Variants in APP observed in about 807,000 individuals in gnomAD.
APP encodes amyloid-beta precursor protein.
Under a neutral mutation model 101.4 loss-of-function variants are expected in APP, and 31 were observed. The ratio of observed to expected loss-of-function variants is 0.31; its 90% CI spans 0.23 to 0.41. The LOEUF is 0.41. APP is among the 10% of genes least tolerant of loss of function. The pLI is 1.00. For synonymous variants in APP, 366 were observed against 364.4 expected (o/e 1.00, Z -0.05); for missense variants, 839 against 1,003.7 (o/e 0.84, Z 2.22).
At chr21:26,129,101 A>T (rs1010623462) in intron 1 of APP, among the ~76,000 whole-genome samples, 1 of 152,220 alleles carries the variant, frequency 6.6e-6, no homozygotes, top group Admixed American at 6.5e-5. Context: ...AAAATATTTC[A>T]GAAGCAAATC....
At chr21:26,061,647 G>A (rs148590759) in intron 3 of APP, among the ~76,000 whole-genome samples, 6 of 152,188 alleles carry the variant, frequency 3.9e-5, no homozygotes, top group African/African-American at 1.2e-4. Flanking sequence ...GAGGACATGA[G>A]GGTGAATTAC....
chr21:26,094,144 A>G (rs976353242), intron 2 of APP, among the ~76,000 whole-genome samples: 5 of 152,108 alleles, frequency 3.3e-5, no homozygotes, highest in Middle Eastern at 3.4e-3. Context: ...TTTGAACCAC[A>G]TAAAGCCCAT....
intron 17 of APP, among the ~76,000 whole-genome samples, chr21:25,884,944 T>C (rs1018107160): frequency 6.6e-6 from 1 of 152,250 alleles, no homozygotes; most frequent in African/African-American, 2.4e-5. Flanking sequence ...CTGCTAGAGA[T>C]GCGAGGCTCC....
chr21:25,945,382 T>A (rs1466328993), intron 13 of APP: 2 of 124,096 alleles, frequency 1.6e-5, no homozygotes, highest in African/African-American at 9.1e-5. Flanking sequence ...AATCCGCACT[T>A]TTTTTTTTTT....
intron 6 of APP, among the ~76,000 whole-genome samples, chr21:26,020,011 A>C (rs1172936395): frequency 6.6e-6 from 1 of 152,238 alleles, no homozygotes; most frequent in Non-Finnish European, 1.5e-5. Flanking sequence ...GGAATGATAA[A>C]CTTAATCCAT....
intron 14 of APP, among the ~76,000 whole-genome samples, chr21:25,906,581 C>T (rs2038801753): frequency 6.6e-6 from 1 of 152,250 alleles, no homozygotes; most frequent in Non-Finnish European, 1.5e-5. Context: ...TAGTATTTCA[C>T]TAGTGCATTA....
chr21:26,089,905 C>A (rs775909369), intron 3 of APP, 38 bp downstream of exon 3: 6 of 1,612,882 alleles, frequency 3.7e-6, no homozygotes, highest in South Asian at 2.2e-5. Context: ...CAAGACCAGG[C>A]CCCCAATCAA....
At chr21:25,970,078 A>G (rs967825808) in intron 11 of APP, among the ~76,000 whole-genome samples, 1 of 152,144 alleles carries the variant, frequency 6.6e-6, no homozygotes, top group African/African-American at 2.4e-5. Flanking sequence ...GAATCCTTAG[A>G]TCAATCAACA....
chr21:26,095,295 T>C (rs964325487), intron 2 of APP, among the ~76,000 whole-genome samples: 1 of 152,202 alleles, frequency 6.6e-6, no homozygotes, highest in African/African-American at 2.4e-5. Context: ...AAGTTTTAAA[T>C]TGCGCACCAT....
chr21:26,130,673 T>C (rs1372159713), intron 1 of APP, among the ~76,000 whole-genome samples: 1 of 152,242 alleles, frequency 6.6e-6, no homozygotes, highest in African/African-American at 2.4e-5. Flanking sequence ...GACTCAACCA[T>C]TTGGCTAAGC....
intron 6 of APP, among the ~76,000 whole-genome samples, chr21:26,002,727 A>G (rs2043352124): frequency 6.6e-6 from 1 of 152,136 alleles, no homozygotes; most frequent in Admixed American, 6.5e-5. Flanking sequence ...TGGCAACAAA[A>G]TTTACCATGC....
chr21:25,899,655 G>A (rs952711336), intron 15 of APP, among the ~76,000 whole-genome samples: 1 of 152,156 alleles, frequency 6.6e-6, no homozygotes, highest in African/African-American at 2.4e-5. Context: ...TTTAGCTCAG[G>A]CAGTGTCTTA....
chr21:25,989,846 T>G (rs1244125064), intron 8 of APP, among the ~76,000 whole-genome samples: 2 of 152,098 alleles, frequency 1.3e-5, no homozygotes, highest in East Asian at 3.9e-4. Context: ...TTAGCGTTCA[T>G]GTGAAACTTT....
chr21:26,100,488 T>C (rs923302524), intron 2 of APP, among the ~76,000 whole-genome samples: 4 of 152,218 alleles, frequency 2.6e-5, no homozygotes, highest in South Asian at 2.1e-4. Flanking sequence ...GGATAATGTA[T>C]ATAGTATACC....
At chr21:26,138,310 C>T (rs958217401) in intron 1 of APP, among the ~76,000 whole-genome samples, 1 of 151,950 alleles carries the variant, frequency 6.6e-6, no homozygotes, top group Admixed American at 6.6e-5. Flanking sequence ...GTTTTAAAAT[C>T]TTCTTAGAGA....
chr21:26,144,240 T>C (rs1325480644), intron 1 of APP, among the ~76,000 whole-genome samples: 1 of 152,184 alleles, frequency 6.6e-6, no homozygotes, highest in African/African-American at 2.4e-5. Context: ...ATGGGGATTA[T>C]GGGGACTACA....
chr21:26,011,532 T>C (rs1399626462), intron 6 of APP, among the ~76,000 whole-genome samples: 2 of 152,132 alleles, frequency 1.3e-5, no homozygotes, highest in Non-Finnish European at 2.9e-5. Context: ...AGGCTAGTGA[T>C]GCAGCTAAAC....
intron 12 of APP, among the ~76,000 whole-genome samples, 191 bp downstream of exon 12, chr21:25,955,436 A>T (rs556555445): frequency 6.6e-6 from 1 of 152,214 alleles, no homozygotes; most frequent in Non-Finnish European, 1.5e-5. Context: ...TGTTATTTTC[A>T]TAACTCAGAA....
intron 16 of APP, among the ~76,000 whole-genome samples, chr21:25,895,153 CTAGAG>C (rs761251509): frequency 5.4e-5 from 8 of 149,264 alleles, no homozygotes; most frequent in African/African-American, 1.2e-4. Context: ...ATGTAACAGA[CTAGAG>C]TATAGTGTAA....
Sources: gnomAD v4.1 joint callset for allele counts (sites outside exome capture counted in the v4.1 genomes callset) on GRCh38, gnomAD v4.1.1 for gene constraint, MANE v1.5 for transcripts, NCBI Gene and HGNC (gene_info 2026-07-23, HGNC 2026-07-21) for gene names.